GABRB1: variants seen among roughly 807,000 people sequenced by gnomAD.
GABRB1 encodes the protein gamma-aminobutyric acid receptor subunit beta-1.
A neutral mutation model predicts 51.6 loss-of-function variants in GABRB1; 17 were observed. The ratio of observed to expected loss-of-function variants is 0.33; its 90% CI spans 0.23 to 0.49. The LOEUF (loss-of-function observed/expected upper bound fraction) is 0.49, where lower values mean the gene tolerates loss of function less well. GABRB1 is among the 20% of genes least tolerant of loss of function. GABRB1 has a pLI of 0.99. For synonymous variants in GABRB1, 247 were observed against 218.9 expected, an observed-to-expected ratio of 1.13 and a Z score of -1.14; for missense variants, 410 against 600.6, an observed-to-expected ratio of 0.68 and a Z score of 3.32.
At chr4:47,350,214 T>G (rs375422058) in intron 5 of GABRB1, among the ~76,000 whole-genome samples, 18,958 of 77,538 alleles carry the variant, frequency 0.24, 1,981 homozygotes, top group East Asian at 0.33. Flanking sequence ...TATATATATA[T>G]ATATAGAGAG....
chr4:47,353,269 C>A (rs1726428279), intron 5 of GABRB1, among the ~76,000 whole-genome samples: 1 of 152,160 alleles, frequency 6.6e-6, no homozygotes, highest in African/African-American at 2.4e-5. Flanking sequence ...TATCAAACTG[C>A]TACAAAGTGT....
chr4:47,042,744 A>G (rs986082511), intron 3 of GABRB1, among the ~76,000 whole-genome samples: 3 of 151,876 alleles, frequency 2.0e-5, no homozygotes, highest in Admixed American at 6.6e-5. Context: ...AAGGTAACCA[A>G]AGACCTAAAC....
chr4:47,412,048 C>T (rs1247707582), intron 8 of GABRB1, among the ~76,000 whole-genome samples: 1 of 152,196 alleles, frequency 6.6e-6, no homozygotes, highest in East Asian at 1.9e-4. Flanking sequence ...CCTTAATAGA[C>T]ACTCTCACTC....
chr4:47,116,069 G>A (rs564048142), intron 3 of GABRB1, among the ~76,000 whole-genome samples: 22 of 152,280 alleles, frequency 1.4e-4, no homozygotes, highest in African/African-American at 5.1e-4. Context: ...TGAGAAGCAA[G>A]CTTCAAATTT....
chr4:47,383,794 G>C lies in GABRB1; in HGVS notation c.545-19524G>C, dbSNP rs564830601. On this transcript the variant is annotated intron_variant, in intron 5 of 8. Coordinates refer to ENST00000295454, the MANE Select transcript of GABRB1 (RefSeq NM_000812.4). ...TTATAGTTACTTTAGTAATCAACTA[G>C]AGTTGCATATATTCAGATATATTTC... Among the ~76,000 whole-genome samples, 3 of 152,264 alleles carry C rather than the reference G, an allele frequency of 2.0e-5. No homozygotes were observed. In the South Asian group the frequency reaches 6.2e-4, roughly 32 times the overall value.
At chr4:47,334,851 G>T (rs779786626) in intron 5 of GABRB1, among the ~76,000 whole-genome samples, 3 of 152,078 alleles carry the variant, frequency 2.0e-5, no homozygotes, top group Non-Finnish European at 4.4e-5. Flanking sequence ...AATTGTGGGC[G>T]TTTCTCATGA....
intron 3 of GABRB1, among the ~76,000 whole-genome samples, chr4:47,114,801 C>T (rs878947979): frequency 6.6e-6 from 1 of 152,106 alleles, no homozygotes; most frequent in Admixed American, 6.6e-5. Context: ...TTCAGAAATT[C>T]TTAAGTCAAG....
chr4:47,365,107 T>C (rs1463939688), intron 5 of GABRB1, among the ~76,000 whole-genome samples: 2 of 152,338 alleles, frequency 1.3e-5, no homozygotes, highest in East Asian at 3.9e-4. Flanking sequence ...TCTGAAAACC[T>C]ATCCTCAGTT....
chr4:47,136,579 A>G (rs1033457215), intron 3 of GABRB1, among the ~76,000 whole-genome samples: 1 of 152,106 alleles, frequency 6.6e-6, no homozygotes, highest in African/African-American at 2.4e-5. Context: ...CTAGAAGATC[A>G]AGGAGGACCA....
In GABRB1 at chr4:47,425,914, C is replaced by T. The variant is rs76685630; in HGVS notation, c.1321C>T (p.Pro441Ser). The T allele has an allele frequency of 6.2e-7, 1 of 1,614,142 alleles. No individual in the cohort carries two copies. Among genetic ancestry groups the T allele is most frequent in the Non-Finnish European group, 8.5e-7 (1 of 1,179,968 alleles). The change falls in exon 9 of 9, where the codon CCC becomes TCC. Residue 441 changes from proline (P) to serine (S), a missense_variant. Pro to Ser is a moderately conservative substitution (Grantham distance 74). Transcript: ENST00000295454. Reference protein sequence around the residue: ...RRASQLKVKIPDLTDVNSIDK... With the variant: ...RRASQLKVKISDLTDVNSIDK... ...TGCCTCCCAGCTCAAAGTCAAGATC[C>T]CCGACTTGACTGATGTGAATTCCAT...
chr4:47,005,996 T>A (rs955014830), intron 1 of GABRB1, among the ~76,000 whole-genome samples: 1 of 151,090 alleles, frequency 6.6e-6, no homozygotes, highest in Admixed American at 6.6e-5. Context: ...CTTTTGTTAT[T>A]CTTTTTTTTT....
At chr4:47,272,002 A>AG (rs1722891905) in intron 4 of GABRB1, among the ~76,000 whole-genome samples, 1 of 150,840 alleles carries the variant, frequency 6.6e-6, no homozygotes, top group South Asian at 2.1e-4. Flanking sequence ...CACATTAATA[A>AG]CTTTGTTATG....
chr4:47,074,771 TA>T (rs1212508458), intron 3 of GABRB1, among the ~76,000 whole-genome samples: 1 of 152,180 alleles, frequency 6.6e-6, no homozygotes, highest in Non-Finnish European at 1.5e-5. Flanking sequence ...GGAAAGGAGC[TA>T]AAGCTAAAAG....
chr4:47,022,970 C>T lies in GABRB1; in HGVS notation c.-19-8944C>T, dbSNP rs149764705. On this transcript the variant is annotated intron_variant, in intron 1 of 3. Transcript: ENST00000513567. ...GAATAAAGAAAATGTGGTACATATA[C>T]GCAACAGAGTACTATTCAGCCATAA... is the stretch of plus-strand genomic sequence containing the variant. 1.4e-3 allele frequency among the ~76,000 whole-genome samples: 211 copies of T among 152,038 alleles called. 1 individual carries two copies. Among genetic ancestry groups the T allele is most frequent in the African/African-American group, 4.6e-3 (191 of 41,516 alleles).
chr4:47,118,759 C>A (rs765256939), intron 3 of GABRB1, among the ~76,000 whole-genome samples: 17 of 152,040 alleles, frequency 1.1e-4, no homozygotes, highest in South Asian at 2.1e-4. Flanking sequence ...TCTCTCAATA[C>A]CTCCAGAAAT....
chr4:47,138,436 G>T, intron 3 of GABRB1, among the ~76,000 whole-genome samples: 1 of 152,048 alleles, frequency 6.6e-6, no homozygotes, highest in East Asian at 1.9e-4. Flanking sequence ...CAGTTCTGAT[G>T]GGGGCTGACA....
At chr4:47,067,875 T>C (rs760598593) in intron 3 of GABRB1, among the ~76,000 whole-genome samples, 7 of 152,060 alleles carry the variant, frequency 4.6e-5, no homozygotes, top group Non-Finnish European at 7.4e-5. Context: ...ATGCTCTCCC[T>C]CCCCTTAACC....
At chr4:47,174,534 A>G (rs1052784586) in intron 4 of GABRB1, among the ~76,000 whole-genome samples, 1 of 152,186 alleles carries the variant, frequency 6.6e-6, no homozygotes, top group African/African-American at 2.4e-5. Context: ...AAAATGTTTA[A>G]TTAGATATTG....
chr4:47,316,634 C>T (rs1202500817), intron 4 of GABRB1, among the ~76,000 whole-genome samples: 1 of 151,942 alleles, frequency 6.6e-6, no homozygotes, highest in East Asian at 1.9e-4. Flanking sequence ...CCAAGTAAAG[C>T]TTGCCTTTAA....
Sources: allele counts gnomAD v4.1 joint callset (sites outside exome capture counted in the v4.1 genomes callset), GRCh38; gene constraint gnomAD v4.1.1; transcripts MANE v1.5; gene names NCBI Gene and HGNC (gene_info 2026-07-23, HGNC 2026-07-21).